Variants in GRIK1 observed in about 807,000 individuals in gnomAD.
The protein encoded by GRIK1 is glutamate receptor ionotropic, kainate 1.
In GRIK1, 69 loss-of-function variants were observed where a neutral mutation model predicts 105.7. That is an observed-to-expected ratio of 0.65 (90% CI 0.54 to 0.80). The LOEUF is 0.80. Ranked by LOEUF, GRIK1 falls within the 30% of genes least tolerant of loss-of-function variation. The pLI, the probability that GRIK1 is intolerant of heterozygous loss-of-function variation, is 0.00. For missense variants in GRIK1, 1,109 were observed against 1,167.3 expected, an observed-to-expected ratio of 0.95 and a Z score of 0.73; for synonymous variants, 438 against 431.3, an observed-to-expected ratio of 1.02 and a Z score of -0.19.
intron 1 of GRIK1, among the ~76,000 whole-genome samples, chr21:29,702,727 A>G (rs938839268): frequency 6.6e-6 from 1 of 152,114 alleles, no homozygotes; most frequent in African/African-American, 2.4e-5. Context: ...CAAACAAGAA[A>G]ACAAACAAAA....
intron 1 of GRIK1, among the ~76,000 whole-genome samples, chr21:29,898,674 G>A (rs1168373588): frequency 6.6e-6 from 1 of 152,130 alleles, no homozygotes; most frequent in African/African-American, 2.4e-5. Context: ...ACAATTAATA[G>A]TTCTTTAATA....
intron 16 of GRIK1, among the ~76,000 whole-genome samples, chr21:29,540,718 A>G (rs1345202215): frequency 4.6e-5 from 7 of 152,278 alleles, no homozygotes; most frequent in Admixed American, 2.0e-4. Flanking sequence ...TTTCATATTC[A>G]CAGAGCCATA....
At chr21:29,686,771 T>G (rs2063493618) in intron 3 of GRIK1, among the ~76,000 whole-genome samples, 1 of 147,874 alleles carries the variant, frequency 6.8e-6, no homozygotes, top group Admixed American at 6.7e-5. Flanking sequence ...GGAATCGCTG[T>G]GGGTGCATTT....
intron 1 of GRIK1, among the ~76,000 whole-genome samples, chr21:29,855,087 G>A (rs2068423749): frequency 6.6e-6 from 1 of 152,164 alleles, no homozygotes; most frequent in African/African-American, 2.4e-5. Flanking sequence ...CTGAACTTGG[G>A]CTCTAGATCT....
chr21:29,813,974 G>A (rs987937849), intron 1 of GRIK1, among the ~76,000 whole-genome samples: 7 of 148,368 alleles, frequency 4.7e-5, no homozygotes, highest in African/African-American at 1.5e-4. Context: ...GAGTGCAGTG[G>A]CATGATCTTG....
intron 14 of GRIK1, among the ~76,000 whole-genome samples, chr21:29,564,906 A>T (rs945313281): frequency 1.2e-4 from 18 of 152,124 alleles, no homozygotes; most frequent in Admixed American, 1.2e-3. Context: ...GAGCCAGCAC[A>T]CTCTTCACAC....
intron 1 of GRIK1, among the ~76,000 whole-genome samples, chr21:29,904,517 G>A (rs974062217): frequency 2.6e-5 from 4 of 152,092 alleles, no homozygotes; most frequent in Non-Finnish European, 5.9e-5. Flanking sequence ...GGAGCAAATG[G>A]ATAGACTGAT....
chr21:29,659,375 C>A (rs1264585749), intron 4 of GRIK1, among the ~76,000 whole-genome samples: 1 of 152,104 alleles, frequency 6.6e-6, no homozygotes, highest in Non-Finnish European at 1.5e-5. Context: ...CTAATGATCA[C>A]CATTGTTAGT....
intron 1 of GRIK1, among the ~76,000 whole-genome samples, chr21:29,928,990 G>A (rs982506744): frequency 2.6e-5 from 4 of 152,162 alleles, no homozygotes; most frequent in Admixed American, 2.0e-4. Context: ...TAATTACAGG[G>A]AAACAAACAA....
intron 1 of GRIK1, among the ~76,000 whole-genome samples, chr21:29,743,663 C>G (rs1019972325): frequency 4.0e-5 from 6 of 151,800 alleles, no homozygotes; most frequent in Admixed American, 1.3e-4. Flanking sequence ...CCACTGCACT[C>G]TAGCGTGGGT....
chr21:29,577,287 G>A (rs193290209), intron 13 of GRIK1, 106 bp from the exon 14 acceptor site: 14 of 628,668 alleles, frequency 2.2e-5, no homozygotes, highest in Admixed American at 2.0e-4. Flanking sequence ...AAGACTTACC[G>A]TCTTGTAGGT....
intron 1 of GRIK1, among the ~76,000 whole-genome samples, chr21:29,935,063 C>A (rs1331042822): frequency 6.6e-6 from 1 of 152,114 alleles, no homozygotes; most frequent in Non-Finnish European, 1.5e-5. Flanking sequence ...CTACCTCCAG[C>A]CACAGAGGTC....
In GRIK1 at chr21:29,596,881, C is replaced by A; in HGVS notation, c.1207-311G>T. 8.7e-6 allele frequency: 3 copies of A among 344,378 alleles called. No individual in the cohort carries two copies. In the South Asian group the frequency reaches 8.9e-5, roughly 10 times the overall value. The allele number at this position is 344,378 out of a possible 1,614,324, so 21.3% of individuals were successfully genotyped here. On this transcript the variant is annotated intron_variant, in intron 8 of 17. Coordinates refer to ENST00000327783, the MANE Select transcript of GRIK1 (RefSeq NM_001330994.2). ...GCAGTATTAAGGGTCTTCATTGTTC[C>A]TTAAGAAGACCCTTTTAAGGCATTG...
At chr21:29,579,860 C>T (rs919666850) in intron 13 of GRIK1, among the ~76,000 whole-genome samples, 2 of 151,330 alleles carry the variant, frequency 1.3e-5, no homozygotes, top group African/African-American at 4.9e-5. Flanking sequence ...AGATAAATTC[C>T]GGGGGTGGGT....
chr21:29,727,122 C>T lies in GRIK1; in HGVS notation c.119-33059G>A, dbSNP rs1274914235. 2.6e-5 allele frequency among the ~76,000 whole-genome samples: 4 copies of T among 151,990 alleles called. No homozygotes were observed. In the East Asian group the frequency reaches 7.7e-4, roughly 29 times the overall value. ...TGTATTTTCGGTAGAGATGGGGTCT[C>T]ATCATGTTGCCCAGGCTGGTCTCAA... On this transcript the variant is annotated intron_variant, in intron 1 of 17. Transcript: ENST00000327783.
intron 4 of GRIK1, among the ~76,000 whole-genome samples, chr21:29,672,567 A>G (rs539290963): frequency 2.0e-5 from 3 of 152,278 alleles, no homozygotes; most frequent in East Asian, 1.9e-4. Flanking sequence ...GCAATCCTGC[A>G]TGTTTGACAA....
At chr21:29,832,636 G>T (rs572513334) in intron 1 of GRIK1, among the ~76,000 whole-genome samples, 1 of 152,304 alleles carries the variant, frequency 6.6e-6, no homozygotes, top group Admixed American at 6.5e-5. Flanking sequence ...AGCTGGAGCT[G>T]CTGGGATGCA....
chr21:29,545,748 A>G (rs1041262077), intron 16 of GRIK1, among the ~76,000 whole-genome samples: 2 of 152,190 alleles, frequency 1.3e-5, no homozygotes, highest in Admixed American at 6.5e-5. Context: ...TTTTCGGGGT[A>G]CCAGTTTATG....
intron 6 of GRIK1, among the ~76,000 whole-genome samples, chr21:29,647,275 C>T (rs1051574974): frequency 6.6e-6 from 1 of 152,170 alleles, no homozygotes; most frequent in Admixed American, 6.5e-5. Context: ...TGTTATTGTA[C>T]AGATTTATGG....
Sources: gnomAD v4.1 joint callset for allele counts (sites outside exome capture counted in the v4.1 genomes callset) on GRCh38, gnomAD v4.1.1 for gene constraint, MANE v1.5 for transcripts, NCBI Gene and HGNC (gene_info 2026-07-23, HGNC 2026-07-21) for gene names.